NDFIP2: variants seen among roughly 807,000 people sequenced by gnomAD.
The protein encoded by NDFIP2 is NEDD4 family-interacting protein 2.
Under a neutral mutation model 36.0 loss-of-function variants are expected in NDFIP2, and 19 were observed. The observed-to-expected ratio is 0.53, with a 90% CI of 0.37 to 0.77. NDFIP2 has a LOEUF of 0.77. NDFIP2 is among the 30% of genes least tolerant of loss of function. The probability of loss-of-function intolerance (pLI) is 0.00; values close to 1 mark genes in which losing one functional copy is unlikely to be tolerated. For synonymous variants in NDFIP2, 181 were observed against 167.7 expected (o/e 1.08, Z -0.61); for missense variants, 446 against 435.8 (o/e 1.02, Z -0.21).
At chr13:79,549,560 A>G (rs1325745341) in intron 6 of NDFIP2, among the ~76,000 whole-genome samples, 1 of 151,854 alleles carries the variant, frequency 6.6e-6, no homozygotes, top group Non-Finnish European at 1.5e-5. Flanking sequence ...AGTGATAAAA[A>G]TGTTGCTCTC....
At chr13:79,493,330 A>G (rs1221785152) in intron 1 of NDFIP2, among the ~76,000 whole-genome samples, 1 of 152,212 alleles carries the variant, frequency 6.6e-6, no homozygotes, top group Non-Finnish European at 1.5e-5. Flanking sequence ...TGCACAGCCT[A>G]TGCACTGTTG....
At chr13:79,501,206 A>G (rs1873653161) in intron 1 of NDFIP2, among the ~76,000 whole-genome samples, 1 of 152,062 alleles carries the variant, frequency 6.6e-6, no homozygotes, top group Non-Finnish European at 1.5e-5. Context: ...TTTTTAGGAC[A>G]GTGAAAGTAC....
chr13:79,512,205 A>G (rs1473753504), intron 1 of NDFIP2, among the ~76,000 whole-genome samples: 4 of 152,308 alleles, frequency 2.6e-5, no homozygotes, highest in African/African-American at 4.8e-5. Flanking sequence ...ACCAGTTACC[A>G]TTATCATTAT....
At chr13:79,506,483 T>G (rs1327519253) in intron 1 of NDFIP2, among the ~76,000 whole-genome samples, 1 of 152,154 alleles carries the variant, frequency 6.6e-6, no homozygotes, top group East Asian at 1.9e-4. Context: ...TAGTTGTTTT[T>G]TCCAGTTTCC....
chr13:79,548,385 C>T lies in NDFIP2; in HGVS notation c.898C>T (p.Leu300Phe). Reference protein sequence around the residue: ...NGQYWLWWIFLVLGLLLFFRG... With the variant: ...NGQYWLWWIFFVLGLLLFFRG... ...ACAGTATTGGCTTTGGTGGATATTT[C>T]TTGTACTTGGTAAGTTTATTCTTAA... The change falls in exon 6 of 8, where the codon CTT becomes TTT. Residue 300 changes from leucine to phenylalanine, a missense_variant. Transcript: ENST00000218652. The T allele has an allele frequency of 1.3e-6, 2 of 1,585,180 alleles. No homozygotes were observed. Among genetic ancestry groups the T allele is most frequent in the Non-Finnish European group, 1.7e-6 (2 of 1,161,318 alleles).
chr13:79,535,009 G>A (rs1435748570), intron 3 of NDFIP2, among the ~76,000 whole-genome samples: 1 of 152,178 alleles, frequency 6.6e-6, no homozygotes, highest in Non-Finnish European at 1.5e-5. Flanking sequence ...GAGGAGGAAA[G>A]TAAGTCTCTT....
At chr13:79,527,389 A>G (rs1187288633) in intron 2 of NDFIP2, among the ~76,000 whole-genome samples, 1 of 152,214 alleles carries the variant, frequency 6.6e-6, no homozygotes, top group Non-Finnish European at 1.5e-5. Flanking sequence ...TTCCACGTAA[A>G]GGAAATTCCA....
chr13:79,534,350 GT>G lies in NDFIP2; in HGVS notation c.621+917del, dbSNP rs532659161. Among the ~76,000 whole-genome samples the G allele has an allele frequency of 8.3e-3, 792 of 95,398 alleles. 1 individual carries two copies. Among genetic ancestry groups the G allele is most frequent in the Middle Eastern group, 0.02 (2 of 102 alleles). The allele number at this position is 95,398 out of a possible 152,430, so 62.6% of individuals were successfully genotyped here. On this transcript the variant is annotated intron_variant, in intron 3 of 7. Coordinates refer to ENST00000218652, the MANE Select transcript of NDFIP2 (RefSeq NM_019080.3). ...GGCCTTCAAATTATTTTTGTCAGCT[GT>G]TTTTTTTTTTTTTTTTTTTTTTGAT... is the stretch of plus-strand genomic sequence containing the variant.
Position 79,553,773 on chromosome 13 carries a change from T to A in NDFIP2, c.*1260T>A, listed in dbSNP as rs1875996934. 2 of 152,050 alleles carry A rather than the reference T, an allele frequency of 1.3e-5. No homozygotes were observed. Among genetic ancestry groups the A allele is most frequent in the Admixed American group, 1.3e-4 (2 of 15,202 alleles). 9.4% of individuals were successfully genotyped at this position (152,050 alleles called of 1,614,324 possible). On this transcript the variant is annotated 3_prime_UTR_variant, in exon 8 of 8. Coordinates refer to ENST00000218652, the MANE Select transcript of NDFIP2 (RefSeq NM_019080.3). Reference sequence around the variant, plus strand: ...TGGAATTTAATTTACATTCATAAACTACTATATTTCCCATCTTGCAAATCA... The same window carrying A: ...TGGAATTTAATTTACATTCATAAACAACTATATTTCCCATCTTGCAAATCA...
At chr13:79,548,174 G>A (rs1309233867) in intron 5 of NDFIP2, among the ~76,000 whole-genome samples, 154 bp from the exon 6 acceptor site, 1 of 151,842 alleles carries the variant, frequency 6.6e-6, no homozygotes, top group African/African-American at 2.4e-5. Context: ...ATATGTGTAT[G>A]CTGTGTATGC....
chr13:79,544,518 C>A (rs1594859892), intron 5 of NDFIP2, among the ~76,000 whole-genome samples: 1 of 149,772 alleles, frequency 6.7e-6, no homozygotes, highest in East Asian at 1.9e-4. Context: ...ACTGTAAGAT[C>A]TAGGAGAATG....
intron 3 of NDFIP2, among the ~76,000 whole-genome samples, chr13:79,534,363 T>G (rs1326719199): frequency 1.3e-5 from 2 of 149,100 alleles, no homozygotes; most frequent in Non-Finnish European, 3.0e-5. Context: ...TTTTTTTTTT[T>G]TTTTTTTTTT....
In NDFIP2 at chr13:79,553,779, A is replaced by G. The variant is rs1349356478; in HGVS notation, c.*1266A>G. The G allele has an allele frequency of 6.6e-6, 1 of 151,832 alleles. No individual in the cohort carries two copies. The highest frequency in any genetic ancestry group is 1.5e-5 in the Non-Finnish European group (1 of 67,490). The allele number at this position is 151,832 out of a possible 1,614,324, so 9.4% of individuals were successfully genotyped here. A position where few individuals can be genotyped will look rare whatever the true frequency, so the allele number is the denominator to read the frequency against. ...TTAATTTACATTCATAAACTACTAT[A>G]TTTCCCATCTTGCAAATCATTTTAT... On this transcript the variant is annotated 3_prime_UTR_variant, in exon 8 of 8. Coordinates refer to ENST00000218652, the MANE Select transcript of NDFIP2 (RefSeq NM_019080.3).
rs1275925921 is a variant in NDFIP2 at position 79,554,697 on chromosome 13, A to G, written c.*2184A>G. 1.3e-5 allele frequency: 2 copies of G among 151,842 alleles called. No individual in the cohort carries two copies. Among genetic ancestry groups the G allele is most frequent in the Admixed American group, 6.6e-5 (1 of 15,218 alleles). The allele number at this position is 151,842 out of a possible 1,614,324, so 9.4% of individuals were successfully genotyped here. ...AGATATATAAAATCCTGCATACTTC[A>G]TTTCCTGTGAGCTTGAACAGCTGCT... On this transcript the variant is annotated 3_prime_UTR_variant, in exon 8 of 8. Coordinates refer to ENST00000218652, the MANE Select transcript of NDFIP2 (RefSeq NM_019080.3).
intron 2 of NDFIP2, 69 bp from the exon 3 acceptor site, chr13:79,533,254 T>G: frequency 6.8e-7 from 1 of 1,479,892 alleles, no homozygotes. Context: ...TTGTAAATTA[T>G]TAAGTCATGG....
intron 1 of NDFIP2, among the ~76,000 whole-genome samples, chr13:79,504,837 A>C (rs1873799524): frequency 6.6e-6 from 1 of 152,174 alleles, no homozygotes; most frequent in African/African-American, 2.4e-5. Context: ...GAATTCTGTA[A>C]GGAAGAGTTT....
At chr13:79,495,052 G>A (rs924590763) in intron 1 of NDFIP2, among the ~76,000 whole-genome samples, 3 of 151,514 alleles carry the variant, frequency 2.0e-5, no homozygotes, top group African/African-American at 7.3e-5. Flanking sequence ...TTTTTTGTGT[G>A]TCTAATTTCT....
chr13:79,494,665 A>G lies in NDFIP2; in HGVS notation c.321+13141A>G, dbSNP rs563169423. On this transcript the variant is annotated intron_variant, in intron 1 of 7. Coordinates refer to ENST00000218652, the MANE Select transcript of NDFIP2 (RefSeq NM_019080.3). Reference sequence around the variant, plus strand: ...TGAGACTTTTCCCTGTAGATGTGTTATATTTCCTGTTTGTCGCACTCTAAG... The same window carrying G: ...TGAGACTTTTCCCTGTAGATGTGTTGTATTTCCTGTTTGTCGCACTCTAAG... 3.3e-5 allele frequency among the ~76,000 whole-genome samples: 5 copies of G among 152,012 alleles called. No homozygotes were observed. In the South Asian group the frequency reaches 1.0e-3, roughly 32 times the overall value.
chr13:79,497,143 GT>G (rs1271171376), intron 1 of NDFIP2, among the ~76,000 whole-genome samples: 2 of 151,920 alleles, frequency 1.3e-5, no homozygotes, highest in East Asian at 1.9e-4. Context: ...TGGTTGTTTT[GT>G]TTTAGCAGGC....
Sources: gnomAD v4.1 joint callset for allele counts (sites outside exome capture counted in the v4.1 genomes callset) on GRCh38, gnomAD v4.1.1 for gene constraint, MANE v1.5 for transcripts, NCBI Gene and HGNC (gene_info 2026-07-23, HGNC 2026-07-21) for gene names.